Variants in RABGAP1L observed in about 807,000 individuals in gnomAD.
The protein encoded by RABGAP1L is rab GTPase-activating protein 1-like.
In RABGAP1L, 63 loss-of-function variants were observed where a neutral mutation model predicts 137.7. That is an observed-to-expected ratio of 0.46 (90% confidence interval 0.37 to 0.56). RABGAP1L has a LOEUF of 0.56. Among genes scored for constraint, RABGAP1L ranks in the 20% least tolerant of loss-of-function variants. RABGAP1L has a pLI of 0.00. For missense variants in RABGAP1L, 1,095 were observed against 1,244.0 expected (o/e 0.88, Z 1.80); for synonymous variants, 431 against 433.7 (o/e 0.99, Z 0.08).
chr1:174,609,220 G>A (rs946020358), intron 13 of RABGAP1L, among the ~76,000 whole-genome samples: 1 of 152,118 alleles, frequency 6.6e-6, no homozygotes, highest in Non-Finnish European at 1.5e-5. Flanking sequence ...TACCTGGAAA[G>A]AAACCTTCTC....
chr1:174,481,469 T>C (rs1181809229), intron 13 of RABGAP1L, among the ~76,000 whole-genome samples: 1 of 152,202 alleles, frequency 6.6e-6, no homozygotes, highest in South Asian at 2.1e-4. Context: ...TAACAGATCC[T>C]ACCTATGCTC....
At chr1:174,751,177 T>C (rs1459882996) in intron 17 of RABGAP1L, among the ~76,000 whole-genome samples, 1 of 152,192 alleles carries the variant, frequency 6.6e-6, no homozygotes, top group Non-Finnish European at 1.5e-5. Flanking sequence ...TGGTTTATAT[T>C]TTAACCAACT....
chr1:174,667,257 A>T (rs551514005), intron 14 of RABGAP1L, among the ~76,000 whole-genome samples: 1 of 152,276 alleles, frequency 6.6e-6, no homozygotes, highest in South Asian at 2.1e-4. Context: ...CTCCATCTCT[A>T]TTGAAACCCA....
intron 19 of RABGAP1L, among the ~76,000 whole-genome samples, chr1:174,900,552 G>T (rs566048318): frequency 7.2e-5 from 11 of 152,316 alleles, no homozygotes; most frequent in South Asian, 2.1e-4. Context: ...TGTCATTACT[G>T]AAGTGCTTTC....
intron 3 of RABGAP1L, among the ~76,000 whole-genome samples, chr1:174,222,394 G>A (rs954210570): frequency 1.3e-5 from 2 of 152,204 alleles, no homozygotes. Flanking sequence ...GGGCTGTGAT[G>A]CATTTATGTA....
chr1:174,330,027 A>G (rs1404094458), intron 11 of RABGAP1L, among the ~76,000 whole-genome samples: 1 of 152,190 alleles, frequency 6.6e-6, no homozygotes, highest in African/African-American at 2.4e-5. Context: ...CTGCTATTCA[A>G]TATAGTCCTG....
At chr1:174,231,497 G>A (rs1017668182) in intron 4 of RABGAP1L, 142 bp downstream of exon 4, 2 of 754,424 alleles carry the variant, frequency 2.7e-6, no homozygotes, top group Non-Finnish European at 2.2e-6. Flanking sequence ...CTTAGACTGT[G>A]TTCATTGTTT....
Position 174,332,552 on chromosome 1 carries a change from C to T in RABGAP1L, c.1465+27425C>T, listed in dbSNP as rs779889448. Among the ~76,000 whole-genome samples the T allele has an allele frequency of 5.6e-4, 85 of 152,166 alleles. 1 individual carries two copies. The highest frequency in any genetic ancestry group is 1.4e-3 in the African/African-American group (57 of 41,522). Reference sequence around the variant, plus strand: ...CTGTGATTACAGATGTGCACCACCACGCCTGGCTAATTTTTGTATTTTTAG... The same window carrying T: ...CTGTGATTACAGATGTGCACCACCATGCCTGGCTAATTTTTGTATTTTTAG... On this transcript the variant is annotated intron_variant, in intron 11 of 25. Coordinates refer to ENST00000681986, the MANE Select transcript of RABGAP1L (RefSeq NM_001366446.1).
chr1:174,952,339 C>CAAAAAA (rs59406597), intron 19 of RABGAP1L, among the ~76,000 whole-genome samples: 7 of 31,712 alleles, frequency 2.2e-4, no homozygotes, highest in Non-Finnish European at 2.7e-4. Flanking sequence ...CTGGCTCTAC[C>CAAAAAA]AAAAAAAAAA....
At chr1:174,396,915 G>A (rs1446574934) in intron 13 of RABGAP1L, among the ~76,000 whole-genome samples, 5 of 150,614 alleles carry the variant, frequency 3.3e-5, no homozygotes, top group Non-Finnish European at 7.4e-5. Context: ...GAGGTGGGAG[G>A]ATGGCTTGAG....
At chr1:174,450,036 A>AT (rs1204464396) in intron 13 of RABGAP1L, among the ~76,000 whole-genome samples, 1 of 152,082 alleles carries the variant, frequency 6.6e-6, no homozygotes, top group Non-Finnish European at 1.5e-5. Context: ...CTTATTAAAT[A>AT]TTTTTAATGG....
intron 14 of RABGAP1L, among the ~76,000 whole-genome samples, chr1:174,638,794 G>C (rs368266046): frequency 6.0e-4 from 88 of 146,768 alleles, no homozygotes; most frequent in East Asian, 5.6e-3. Context: ...GAACAAAAAA[G>C]CAAACACCGC....
At chr1:174,826,448 C>T (rs1489031382) in intron 19 of RABGAP1L, among the ~76,000 whole-genome samples, 4 of 152,170 alleles carry the variant, frequency 2.6e-5, no homozygotes, top group Non-Finnish European at 5.9e-5. Flanking sequence ...TCTTGAACTC[C>T]TGACCTCAGG....
rs138357552 is a variant in RABGAP1L at position 174,964,873 on chromosome 1, T to C, written c.2434-4404T>C. On this transcript the variant is annotated intron_variant, in intron 20 of 25. Coordinates refer to ENST00000681986, the MANE Select transcript of RABGAP1L (RefSeq NM_001366446.1). The stretch of plus-strand genomic sequence containing the variant: ...CATTAAGAAGTGTCTGTTTTTGTTA[T>C]TGCCATTTCATAAATATTTTAGTAG... The C allele has an allele frequency of 3.1e-4, 448 of 1,458,634 alleles. 1 individual carries two copies. In the African/African-American group the frequency reaches 3.4e-3, roughly 11 times the overall value. The allele number at this position is 1,458,634 out of a possible 1,614,324, so 90.4% of individuals were successfully genotyped here.
At chr1:174,310,086 C>T (rs1340920457) in intron 11 of RABGAP1L, among the ~76,000 whole-genome samples, 2 of 152,016 alleles carry the variant, frequency 1.3e-5, no homozygotes, top group Non-Finnish European at 2.9e-5. Context: ...ATAATTCAAT[C>T]TTGGTAGGTT....
At chr1:174,703,265 C>T (rs1020760972) in intron 17 of RABGAP1L, among the ~76,000 whole-genome samples, 2 of 152,136 alleles carry the variant, frequency 1.3e-5, no homozygotes, top group African/African-American at 4.8e-5. Context: ...TCCCCTACCC[C>T]CCTCTCACTG....
chr1:174,710,574 C>G (rs1680403003), intron 17 of RABGAP1L, among the ~76,000 whole-genome samples: 1 of 152,144 alleles, frequency 6.6e-6, no homozygotes, highest in Admixed American at 6.5e-5. Flanking sequence ...TCCAGCCAAA[C>G]TAAGCTTCAT....
chr1:174,392,797 C>T (rs1361305134), intron 12 of RABGAP1L, among the ~76,000 whole-genome samples: 1 of 152,020 alleles, frequency 6.6e-6, no homozygotes, highest in African/African-American at 2.4e-5. Context: ...CATGTGGATT[C>T]TATGACTTTC....
rs572205740 is a variant in RABGAP1L, at chr1:174,598,793, T to C, written c.1711-38582T>C. On this transcript the variant is annotated intron_variant, in intron 13 of 25. Transcript: ENST00000681986. Reference sequence around the variant, plus strand: ...TTTATTTTTAGTCTATGTGTGTCTTTATTGATGAAATATTTCTTGTAGCCA... The same window carrying C: ...TTTATTTTTAGTCTATGTGTGTCTTCATTGATGAAATATTTCTTGTAGCCA... Among the ~76,000 whole-genome samples the C allele has an allele frequency of 2.0e-5, 3 of 152,282 alleles. No individual in the cohort carries two copies. In the East Asian group the frequency reaches 5.8e-4, roughly 29 times the overall value.
Sources: allele counts gnomAD v4.1 joint callset (sites outside exome capture counted in the v4.1 genomes callset), GRCh38; gene constraint gnomAD v4.1.1; transcripts MANE v1.5; gene names NCBI Gene and HGNC (gene_info 2026-07-23, HGNC 2026-07-21).